Variants in SGCD observed in about 807,000 individuals in gnomAD.
The protein encoded by SGCD is delta-sarcoglycan.
SGCD carries 18 observed loss-of-function variants against 36.6 expected under a neutral mutation model. The observed-to-expected ratio is 0.49, with a 90% CI of 0.34 to 0.73. The LOEUF (loss-of-function observed/expected upper bound fraction) is 0.73, where lower values mean the gene tolerates loss of function less well. Ranked by LOEUF, SGCD falls within the 30% of genes least tolerant of loss-of-function variation. SGCD has a pLI of 0.01. For synonymous variants in SGCD, 133 were observed against 130.6 expected (o/e 1.02, Z -0.12); for missense variants, 387 against 346.7 (o/e 1.12, Z -0.92).
At chr5:156,158,301 C>G (rs1561543790) in intron 3 of SGCD, among the ~76,000 whole-genome samples, 2 of 151,646 alleles carry the variant, frequency 1.3e-5, no homozygotes, top group Non-Finnish European at 2.9e-5. Context: ...TAGCCTTGCC[C>G]ACTTTGGGAG....
At chr5:156,366,379 G>A (rs1015475370) in intron 3 of SGCD, among the ~76,000 whole-genome samples, 2 of 152,168 alleles carry the variant, frequency 1.3e-5, no homozygotes, top group Non-Finnish European at 2.9e-5. Context: ...TGGAAATTTG[G>A]AAGGACAGAT....
intron 3 of SGCD, among the ~76,000 whole-genome samples, chr5:156,199,625 A>G (rs942312063): frequency 6.6e-6 from 1 of 152,072 alleles, no homozygotes. Flanking sequence ...TTGGCAAACT[A>G]CTTCTTCTTG....
intron 3 of SGCD, among the ~76,000 whole-genome samples, chr5:156,368,343 G>A (rs1001423693): frequency 6.6e-6 from 1 of 151,904 alleles, no homozygotes; most frequent in Admixed American, 6.6e-5. Flanking sequence ...CACCCACCTC[G>A]GCCTTCCAAA....
intron 3 of SGCD, among the ~76,000 whole-genome samples, chr5:156,453,619 G>A (rs1476215923): frequency 1.3e-5 from 2 of 152,216 alleles, no homozygotes; most frequent in East Asian, 3.9e-4. Context: ...AATTGGGAAG[G>A]GCGGTACTCT....
At chr5:156,329,712 CTT>C in intron 2 of SGCD, 133 bp downstream of exon 2, 1 of 872,258 alleles carries the variant, frequency 1.1e-6, no homozygotes, top group Non-Finnish European at 1.7e-6. Flanking sequence ...TTTAATTTTA[CTT>C]TTTTATTTTA....
intron 3 of SGCD, among the ~76,000 whole-genome samples, chr5:156,374,937 A>G (rs1257668066): frequency 6.6e-6 from 1 of 151,908 alleles, no homozygotes; most frequent in African/African-American, 2.4e-5. Context: ...ATGAAACACA[A>G]GCAAAATGAA....
intron 3 of SGCD, among the ~76,000 whole-genome samples, chr5:156,482,978 C>T (rs1755505415): frequency 6.6e-6 from 1 of 152,016 alleles, no homozygotes; most frequent in Admixed American, 6.6e-5. Flanking sequence ...GCAACCTCAG[C>T]CTCTAGCCAC....
At chr5:155,782,181 T>C in the SGCD span, among the ~76,000 whole-genome samples, 2 of 151,968 alleles carry the variant, frequency 1.3e-5, no homozygotes, top group African/African-American at 4.8e-5. Context: ...CCCACCACCA[T>C]GCCTAGCTAA....
At chr5:155,900,739 G>A (rs1756371442) in intron 1 of SGCD, among the ~76,000 whole-genome samples, 1 of 151,914 alleles carries the variant, frequency 6.6e-6, no homozygotes, top group Admixed American at 6.6e-5. Context: ...TTTTCATAGT[G>A]ATTTTGAAGG....
intron 3 of SGCD, among the ~76,000 whole-genome samples, chr5:156,381,160 C>T (rs556850864): frequency 1.3e-5 from 2 of 152,278 alleles, no homozygotes; most frequent in African/African-American, 4.8e-5. Context: ...TGTGAATTGC[C>T]TGCTGCATTC....
intron 7 of SGCD, among the ~76,000 whole-genome samples, chr5:156,661,791 G>T (rs926463726): frequency 2.0e-5 from 3 of 151,866 alleles, no homozygotes; most frequent in Non-Finnish European, 4.4e-5. Flanking sequence ...TTGTTCCTTG[G>T]TTAAAGGGAC....
chr5:156,465,621 C>G (rs540605803), intron 3 of SGCD, among the ~76,000 whole-genome samples: 2 of 152,200 alleles, frequency 1.3e-5, no homozygotes, highest in South Asian at 2.1e-4. Flanking sequence ...TTTCATCCCA[C>G]TTGGCTCTGT....
chr5:156,006,143 T>C (rs1272589951), intron 1 of SGCD, among the ~76,000 whole-genome samples: 4 of 152,148 alleles, frequency 2.6e-5, no homozygotes, highest in Non-Finnish European at 5.9e-5. Flanking sequence ...TGAGCTGCTG[T>C]TGTTATTATT....
At chr5:156,435,724 TACTA>T (rs1190159040) in intron 3 of SGCD, among the ~76,000 whole-genome samples, 3 of 152,340 alleles carry the variant, frequency 2.0e-5, no homozygotes, top group South Asian at 2.1e-4. Context: ...ATGCATGGGC[TACTA>T]ACTGTTTAAA....
chr5:155,982,014 C>G (rs1482514159), intron 1 of SGCD, among the ~76,000 whole-genome samples: 1 of 152,180 alleles, frequency 6.6e-6, no homozygotes, highest in Non-Finnish European at 1.5e-5. Flanking sequence ...GAGCTCTCCT[C>G]CTCTCATTTG....
chr5:156,612,407 T>G (rs1761856959), intron 6 of SGCD, among the ~76,000 whole-genome samples: 1 of 152,164 alleles, frequency 6.6e-6, no homozygotes, highest in African/African-American at 2.4e-5. Flanking sequence ...AGTAGTGAAG[T>G]TTTGCCGAGA....
At chr5:156,476,967 T>C (rs1755206915) in intron 3 of SGCD, among the ~76,000 whole-genome samples, 1 of 152,032 alleles carries the variant, frequency 6.6e-6, no homozygotes, top group Non-Finnish European at 1.5e-5. Context: ...GAAGCAGCTT[T>C]GTTGGAACTC....
At chr5:155,876,517 G>A (rs989424988) in intron 1 of SGCD, among the ~76,000 whole-genome samples, 1 of 151,946 alleles carries the variant, frequency 6.6e-6, no homozygotes, top group African/African-American at 2.4e-5. Context: ...GGAGAATGTT[G>A]GAATTTAATG....
At chr5:156,516,500 C>G (rs140132249) in intron 4 of SGCD, among the ~76,000 whole-genome samples, 2 of 152,270 alleles carry the variant, frequency 1.3e-5, no homozygotes, top group Non-Finnish European at 2.9e-5. Flanking sequence ...ACCCACAAAA[C>G]CCTATCCAAA....
Sources: allele counts gnomAD v4.1 joint callset (sites outside exome capture counted in the v4.1 genomes callset), GRCh38; gene constraint gnomAD v4.1.1; transcripts MANE v1.5; gene names NCBI Gene and HGNC (gene_info 2026-07-23, HGNC 2026-07-21).